MXI1: variants seen among roughly 807,000 people sequenced by gnomAD.
MXI1 encodes the protein MAX interactor 1, dimerization protein.
MXI1 carries 18 observed loss-of-function variants against 36.9 expected under a neutral mutation model. The ratio of observed to expected loss-of-function variants is 0.49; its 90% CI spans 0.34 to 0.72. MXI1 has a LOEUF of 0.72. Ranked by LOEUF, MXI1 falls within the 30% of genes least tolerant of loss-of-function variation. The pLI, the probability that MXI1 is intolerant of heterozygous loss-of-function variation, is 0.01. For synonymous variants in MXI1, 160 were observed against 146.7 expected, an observed-to-expected ratio of 1.09 and a Z score of -0.65; for missense variants, 304 against 379.1, an observed-to-expected ratio of 0.80 and a Z score of 1.64.
At chr10:110,248,433 G>A (rs1855952586) in intron 3 of MXI1, among the ~76,000 whole-genome samples, 1 of 152,140 alleles carries the variant, frequency 6.6e-6, no homozygotes, top group African/African-American at 2.4e-5. Flanking sequence ...CCTCACAGAA[G>A]ATGTGTGCAT....
chr10:110,285,074 G>A lies in MXI1; in HGVS notation c.*87G>A, dbSNP rs1590418740. 1.1e-5 allele frequency: 14 copies of A among 1,310,724 alleles called. No homozygotes were observed. In the East Asian group the frequency reaches 3.5e-4, roughly 33 times the overall value. The allele number at this position is 1,310,724 out of a possible 1,614,324, so 81.2% of individuals were successfully genotyped here. ...TCTCTTAAATTGGGTTCATGATGCAGTCTCCTCTTTAAAACAAAACAAAAC... is the reference window on the plus strand; with the variant it reads ...TCTCTTAAATTGGGTTCATGATGCAATCTCCTCTTTAAAACAAAACAAAAC... On this transcript the variant is annotated 3_prime_UTR_variant, in exon 6 of 6. Coordinates refer to ENST00000332674, the MANE Select transcript of MXI1 (RefSeq NM_130439.3).
At chr10:110,210,790 G>A (rs542071963) in intron 1 of MXI1, among the ~76,000 whole-genome samples, 1 of 152,304 alleles carries the variant, frequency 6.6e-6, no homozygotes, top group African/African-American at 2.4e-5. Context: ...CGCGCGTCAC[G>A]GCAATCCGCG....
At chr10:110,264,429 G>A (rs1856619298) in intron 3 of MXI1, among the ~76,000 whole-genome samples, 1 of 149,252 alleles carries the variant, frequency 6.7e-6, no homozygotes, top group African/African-American at 2.5e-5. Context: ...GCAATGGTGT[G>A]ATCTTGGCTC....
chr10:110,270,206 T>C (rs1452680430), intron 3 of MXI1, among the ~76,000 whole-genome samples: 1 of 152,206 alleles, frequency 6.6e-6, no homozygotes, highest in African/African-American at 2.4e-5. Flanking sequence ...ACTTTGAAAC[T>C]TGGAATACAG....
intron 1 of MXI1, among the ~76,000 whole-genome samples, chr10:110,224,135 T>A (rs184703722): frequency 1.3e-4 from 20 of 152,328 alleles, no homozygotes; most frequent in Non-Finnish European, 2.8e-4. Context: ...AGATGGTATT[T>A]TCTGCAGGAG....
intron 3 of MXI1, among the ~76,000 whole-genome samples, chr10:110,264,082 T>TGC (rs1856606339): frequency 6.6e-6 from 1 of 152,040 alleles, no homozygotes; most frequent in African/African-American, 2.4e-5. Flanking sequence ...TAAAAGTGTG[T>TGC]GTGTGTGTGT....
chr10:110,227,717 C>G (rs1249764163), intron 1 of MXI1: 1 of 223,070 alleles, frequency 4.5e-6, no homozygotes, highest in Non-Finnish European at 7.9e-6. Flanking sequence ...GTAGAGATGG[C>G]GCAGAAAGAC....
At chr10:110,254,147 G>A (rs1231452449) in intron 3 of MXI1, among the ~76,000 whole-genome samples, 8 of 152,114 alleles carry the variant, frequency 5.3e-5, no homozygotes, top group Non-Finnish European at 1.2e-4. Context: ...GAAGGTTTGT[G>A]TCAAGCAGGT....
At chr10:110,280,752 G>A (rs768468093) in intron 5 of MXI1, among the ~76,000 whole-genome samples, 2 of 151,738 alleles carry the variant, frequency 1.3e-5, no homozygotes, top group Admixed American at 6.6e-5. Context: ...ACACGATGTC[G>A]AAGTTTTTAC....
rs1173019962 is a variant in MXI1 at position 110,286,807 on chromosome 10, G to T, written c.*1820G>T. 6.6e-6 allele frequency: 1 copy of T among 152,296 alleles called. No homozygotes were observed. Among genetic ancestry groups the T allele is most frequent in the African/African-American group, 2.4e-5 (1 of 41,576 alleles). The allele number at this position is 152,296 out of a possible 1,614,324, so 9.4% of individuals were successfully genotyped here. A position where few individuals can be genotyped will look rare whatever the true frequency, so the allele number is the denominator to read the frequency against. On this transcript the variant is annotated 3_prime_UTR_variant, in exon 6 of 6. Transcript: ENST00000332674. The stretch of plus-strand genomic sequence containing the variant: ...TCCTTGATTGTGCTATGTTTCAGTG[G>T]AAGAAATTCTTTGAAGTAGATGTGA...
chr10:110,285,082 T>C lies in MXI1; in HGVS notation c.*95T>C. ...ATTGGGTTCATGATGCAGTCTCCTC[T>C]TTAAAACAAAACAAAACAAAACAAA... On this transcript the variant is annotated 3_prime_UTR_variant, in exon 6 of 6. Transcript: ENST00000332674. The C allele has an allele frequency of 8.1e-7, 1 of 1,237,612 alleles. No homozygotes were observed. Among genetic ancestry groups the C allele is most frequent in the Non-Finnish European group, 1.1e-6 (1 of 920,666 alleles). 76.7% of individuals were successfully genotyped at this position (1,237,612 alleles called of 1,614,324 possible). A position where few individuals can be genotyped will look rare whatever the true frequency, so the allele number is the denominator to read the frequency against.
At chr10:110,248,169 G>T (rs888648621) in intron 3 of MXI1, among the ~76,000 whole-genome samples, 2 of 152,132 alleles carry the variant, frequency 1.3e-5, no homozygotes, top group Non-Finnish European at 2.9e-5. Flanking sequence ...CACAGGAAGG[G>T]GAACATCACA....
At chr10:110,278,160 C>T (rs1857102625) in intron 3 of MXI1, among the ~76,000 whole-genome samples, 1 of 152,114 alleles carries the variant, frequency 6.6e-6, no homozygotes, top group South Asian at 2.1e-4. Context: ...AAACACAGGA[C>T]CAAAGATGTG....
chr10:110,270,672 C>T (rs1252482563), intron 3 of MXI1, among the ~76,000 whole-genome samples: 2 of 152,038 alleles, frequency 1.3e-5, no homozygotes, highest in Non-Finnish European at 2.9e-5. Flanking sequence ...TAGACTTTCC[C>T]TTCTCATACC....
intron 3 of MXI1, among the ~76,000 whole-genome samples, chr10:110,267,067 T>G (rs1590393347): frequency 6.6e-6 from 1 of 152,192 alleles, no homozygotes; most frequent in African/African-American, 2.4e-5. Flanking sequence ...ATGGCTAAAT[T>G]AAGATAAGGG....
At chr10:110,247,594 T>G (rs1791430894) in intron 3 of MXI1, among the ~76,000 whole-genome samples, 1 of 152,288 alleles carries the variant, frequency 6.6e-6, no homozygotes, top group South Asian at 2.1e-4. Flanking sequence ...CAGTTTCAGC[T>G]TTCTACATAT....
intron 2 of MXI1, among the ~76,000 whole-genome samples, chr10:110,240,400 G>T (rs979314521): frequency 2.0e-5 from 3 of 151,890 alleles, no homozygotes; most frequent in African/African-American, 7.3e-5. Context: ...TGATGTTCGT[G>T]GGCTTAGTTA....
At chr10:110,270,553 C>T (rs768791030) in intron 3 of MXI1, among the ~76,000 whole-genome samples, 69 of 151,960 alleles carry the variant, frequency 4.5e-4, no homozygotes, top group Admixed American at 3.6e-3. Context: ...TTCAACTTAG[C>T]AAGCAGTCCA....
At chr10:110,208,125 T>C (rs1854407761) in intron 1 of MXI1, 43 bp downstream of exon 1, 4 of 1,555,744 alleles carry the variant, frequency 2.6e-6, no homozygotes, top group South Asian at 1.2e-5. Flanking sequence ...CCCGGTTCTT[T>C]CTTTCTCGCC....
Sources: allele counts gnomAD v4.1 joint callset (sites outside exome capture counted in the v4.1 genomes callset), GRCh38; gene constraint gnomAD v4.1.1; transcripts MANE v1.5; gene names NCBI Gene and HGNC (gene_info 2026-07-23, HGNC 2026-07-21).